BCL2: variants seen among roughly 807,000 people sequenced by gnomAD.
BCL2 encodes apoptosis regulator Bcl-2.
Under a neutral mutation model 14.2 loss-of-function variants are expected in BCL2, and 1 was observed. That is an observed-to-expected ratio of 0.07 (90% CI 0.02 to 0.33). BCL2 has a LOEUF of 0.33. Among genes scored for constraint, BCL2 ranks in the 10% least tolerant of loss-of-function variants. BCL2 has a pLI of 0.99. For missense variants in BCL2, 247 were observed against 305.9 expected (o/e 0.81, Z 1.44); for synonymous variants, 151 against 137.2 (o/e 1.10, Z -0.70).
At chr18:63,183,722 G>A (rs1047136989) in intron 2 of BCL2, among the ~76,000 whole-genome samples, 3 of 152,150 alleles carry the variant, frequency 2.0e-5, no homozygotes, top group Non-Finnish European at 2.9e-5. Flanking sequence ...GGGCGGGGGC[G>A]GGGGGCTTAA....
chr18:63,316,745 T>C (rs1222783959), intron 2 of BCL2: 2 of 152,198 alleles, frequency 1.3e-5, no homozygotes, highest in African/African-American at 4.8e-5. Context: ...GAGCACACTT[T>C]GTAAAATGTA....
intron 2 of BCL2, among the ~76,000 whole-genome samples, chr18:63,241,629 C>A (rs1383596): frequency 0.66 from 100,795 of 152,074 alleles, 35,727 homozygotes; most frequent in Non-Finnish European, 0.79. Flanking sequence ...TGCTAAAATC[C>A]TTCCCGAGGT....
chr18:63,237,235 C>T (rs1724523498), intron 2 of BCL2, among the ~76,000 whole-genome samples: 1 of 151,988 alleles, frequency 6.6e-6, no homozygotes, highest in South Asian at 2.1e-4. Flanking sequence ...CCATCCCATC[C>T]AAGGAGTAAA....
chr18:63,164,422 GA>G (rs760089498), intron 2 of BCL2, among the ~76,000 whole-genome samples: 109 of 152,332 alleles, frequency 7.2e-4, no homozygotes, highest in Non-Finnish European at 1.3e-3. Context: ...GGTACAAGAA[GA>G]AAACCTCATC....
intron 2 of BCL2, among the ~76,000 whole-genome samples, chr18:63,219,364 G>C (rs1910315249): frequency 6.6e-6 from 1 of 150,998 alleles, no homozygotes; most frequent in African/African-American, 2.4e-5. Context: ...TGGTTCTAAA[G>C]TTGCCTCTAG....
intron 2 of BCL2, chr18:63,315,827 T>C (rs1027461139): frequency 1.3e-5 from 2 of 152,214 alleles, no homozygotes; most frequent in Non-Finnish European, 2.9e-5. Flanking sequence ...ACCACTTTTA[T>C]TCCAAAGTGT....
At position 63,319,419 on chromosome 18, in the gene BCL2, C is replaced by T. The variant is rs1398379058; in HGVS notation, c.-532G>A. 3 of 228,544 alleles carry T rather than the reference C, an allele frequency of 1.3e-5. No individual in the cohort carries two copies. The highest frequency in any genetic ancestry group is 1.7e-5 in the Non-Finnish European group (2 of 115,408). 14.2% of individuals were successfully genotyped at this position (228,544 alleles called of 1,614,324 possible). A position where few individuals can be genotyped will look rare whatever the true frequency, so the allele number is the denominator to read the frequency against. On this transcript the variant is annotated 5_prime_UTR_variant, in exon 1 of 3. Coordinates refer to ENST00000333681, the MANE Select transcript of BCL2 (RefSeq NM_000633.3). The stretch of plus-strand genomic sequence containing the variant: ...GAATCCCAACCGGAGATCTCAAGAG[C>T]TCGAGAAAAAAAAAAGGCAGCGGCG...
Position 63,246,395 on chromosome 18 carries a change from C to T in BCL2, c.585+71687G>A, listed in dbSNP as rs560379782. 1.1e-4 allele frequency among the ~76,000 whole-genome samples: 17 copies of T among 152,268 alleles called. No homozygotes were observed. The South Asian group carries it at 2.9e-3, about 26-fold the overall frequency. On this transcript the variant is annotated intron_variant, in intron 2 of 2. Coordinates refer to ENST00000333681, the MANE Select transcript of BCL2 (RefSeq NM_000633.3). ...TTCACGCTGCTGGTAAAGATATACC[C>T]AAGACTGTGTAATTTATAAAGAAAA... is the stretch of plus-strand genomic sequence containing the variant.
In BCL2 at chr18:63,220,818, A is replaced by G. The variant is rs1227323368; in HGVS notation, c.586-92059T>C. Among the ~76,000 whole-genome samples the G allele has an allele frequency of 5.7e-5, 8 of 141,590 alleles. No individual in the cohort carries two copies. The East Asian group carries it at 1.3e-3, about 22-fold the overall frequency. The allele number at this position is 141,590 out of a possible 152,430, so 92.9% of individuals were successfully genotyped here. ...TGGATCCTGAAAGATGTCTTCAAGG[A>G]GAAAAAAAAAAAGGCGTTTTTCTTT... On this transcript the variant is annotated intron_variant, in intron 2 of 2. Coordinates refer to ENST00000333681, the MANE Select transcript of BCL2 (RefSeq NM_000633.3).
chr18:63,230,222 T>C (rs1019215554), intron 2 of BCL2, among the ~76,000 whole-genome samples: 8 of 152,158 alleles, frequency 5.3e-5, no homozygotes. Flanking sequence ...CCACAATCCC[T>C]AAACCCAAGT....
intron 2 of BCL2, among the ~76,000 whole-genome samples, chr18:63,197,221 C>A (rs893039710): frequency 6.6e-6 from 1 of 152,198 alleles, no homozygotes; most frequent in African/African-American, 2.4e-5. Flanking sequence ...CAGAGTCCAA[C>A]CCGGCTAAGC....
intron 2 of BCL2, among the ~76,000 whole-genome samples, chr18:63,296,201 G>C (rs573084638): frequency 1.3e-5 from 2 of 152,300 alleles, no homozygotes; most frequent in East Asian, 3.9e-4. Context: ...ATAAATTTTA[G>C]TGTATTTTTA....
intron 2 of BCL2, among the ~76,000 whole-genome samples, chr18:63,288,907 T>A (rs960683501): frequency 2.0e-5 from 3 of 152,174 alleles, no homozygotes; most frequent in Admixed American, 2.0e-4. Flanking sequence ...TAGGCAGGGA[T>A]CTTGTTTTGC....
At chr18:63,158,149 G>A (rs929833857) in intron 2 of BCL2, among the ~76,000 whole-genome samples, 5 of 151,568 alleles carry the variant, frequency 3.3e-5, no homozygotes, top group African/African-American at 1.2e-4. Flanking sequence ...GGCACCACTC[G>A]GTAGGAAGAC....
At chr18:63,212,340 AAAC>A (rs1056628285) in intron 2 of BCL2, among the ~76,000 whole-genome samples, 4 of 150,570 alleles carry the variant, frequency 2.7e-5, no homozygotes, top group South Asian at 2.1e-4. Context: ...ACAAACAAAC[AAAC>A]AACAACAACA....
chr18:63,200,418 GA>G (rs1183733969), intron 2 of BCL2, among the ~76,000 whole-genome samples: 1 of 152,186 alleles, frequency 6.6e-6, no homozygotes, highest in Non-Finnish European at 1.5e-5. Flanking sequence ...CAATACATCT[GA>G]CCCCTTACAC....
intron 2 of BCL2, among the ~76,000 whole-genome samples, chr18:63,233,639 T>C (rs1370679308): frequency 6.6e-6 from 1 of 152,132 alleles, no homozygotes; most frequent in Non-Finnish European, 1.5e-5. Flanking sequence ...GGGGCTCAGG[T>C]GGTCATGCTG....
intron 2 of BCL2, among the ~76,000 whole-genome samples, chr18:63,221,688 C>A (rs1019004826): frequency 6.6e-6 from 1 of 152,184 alleles, no homozygotes; most frequent in Non-Finnish European, 1.5e-5. Context: ...CAAAAAGTCA[C>A]CCTAACCATG....
chr18:63,163,365 A>ATTT (rs1298287530), intron 2 of BCL2, among the ~76,000 whole-genome samples: 2 of 151,826 alleles, frequency 1.3e-5, no homozygotes, highest in African/African-American at 4.8e-5. Context: ...CTAATATATC[A>ATTT]CTTCTTATAT....
Sources: allele counts gnomAD v4.1 joint callset (sites outside exome capture counted in the v4.1 genomes callset), GRCh38; gene constraint gnomAD v4.1.1; transcripts MANE v1.5; gene names NCBI Gene and HGNC (gene_info 2026-07-23, HGNC 2026-07-21).